The following XPO4 variants were observed in gnomAD, a reference collection of about 807,000 sequenced individuals.
XPO4 encodes exportin 4, also known as exportin-4.
XPO4 carries 39 observed loss-of-function variants against 143.0 expected under a neutral mutation model. The observed-to-expected ratio is 0.27, with a 90% CI of 0.21 to 0.36. The LOEUF is 0.36. Among genes scored for constraint, XPO4 ranks in the 10% least tolerant of loss-of-function variants. XPO4 has a pLI of 1.00. For missense variants in XPO4, 907 were observed against 1,348.0 expected, an observed-to-expected ratio of 0.67 and a Z score of 5.12; for synonymous variants, 439 against 474.0, an observed-to-expected ratio of 0.93 and a Z score of 0.96.
At chr13:20,794,020 G>A (rs1280208841) in intron 18 of XPO4, among the ~76,000 whole-genome samples, 1 of 152,074 alleles carries the variant, frequency 6.6e-6, no homozygotes, top group East Asian at 1.9e-4. Context: ...CTAAAAACTG[G>A]CCACAGCTCC....
intron 2 of XPO4, chr13:20,866,387 G>T (rs2060245774): frequency 1.0e-6 from 1 of 984,500 alleles, no homozygotes. Context: ...CCAGAAAAGG[G>T]AAGCATCAAA....
chr13:20,794,985 G>A (rs1279826967), intron 18 of XPO4, among the ~76,000 whole-genome samples: 1 of 144,068 alleles, frequency 6.9e-6, no homozygotes, highest in Non-Finnish European at 1.5e-5. Context: ...GCAGATATTG[G>A]AAAAACCGTT....
intron 3 of XPO4, among the ~76,000 whole-genome samples, chr13:20,857,595 C>T (rs2060156550): frequency 6.6e-6 from 1 of 151,046 alleles, no homozygotes; most frequent in Non-Finnish European, 1.5e-5. Flanking sequence ...GGCGTGGTGG[C>T]AGGCACCTGT....
intron 18 of XPO4, 47 bp downstream of exon 18, chr13:20,796,029 A>G (rs764725771): frequency 6.6e-7 from 1 of 1,518,462 alleles, no homozygotes; most frequent in Non-Finnish European, 8.9e-7. Flanking sequence ...GATTTAATAA[A>G]AAGGAGGATA....
intron 1 of XPO4, among the ~76,000 whole-genome samples, chr13:20,891,964 C>CAGGAT (rs2060521786): frequency 1.3e-5 from 2 of 151,760 alleles, no homozygotes; most frequent in Non-Finnish European, 2.9e-5. Context: ...GAGCTACAGA[C>CAGGAT]AGGATGTTTC....
chr13:20,824,730 CA>C (rs2059762997), intron 7 of XPO4, among the ~76,000 whole-genome samples: 1 of 151,900 alleles, frequency 6.6e-6, no homozygotes, highest in South Asian at 2.1e-4. Context: ...GGAAAAGGGA[CA>C]GAGGGATAAG....
At chr13:20,821,607 C>G in intron 9 of XPO4, 97 bp downstream of exon 9, 1 of 1,318,796 alleles carries the variant, frequency 7.6e-7, no homozygotes, top group South Asian at 1.7e-5. Flanking sequence ...ATAGCCAGCA[C>G]TCACTTAAAA....
At chr13:20,815,923 G>A (rs1236765967) in intron 9 of XPO4, among the ~76,000 whole-genome samples, 3 of 151,878 alleles carry the variant, frequency 2.0e-5, no homozygotes, top group African/African-American at 7.3e-5. Context: ...GCAGAAATAA[G>A]TAATGTACCA....
intron 6 of XPO4, among the ~76,000 whole-genome samples, chr13:20,839,627 A>G (rs527459565): frequency 6.6e-6 from 1 of 152,234 alleles, no homozygotes; most frequent in South Asian, 2.1e-4. Flanking sequence ...ACTTGAAGCC[A>G]GGAGTTCGAG....
At chr13:20,794,552 A>G (rs1199193952) in intron 18 of XPO4, among the ~76,000 whole-genome samples, 1 of 152,134 alleles carries the variant, frequency 6.6e-6, no homozygotes, top group Non-Finnish European at 1.5e-5. Flanking sequence ...GAGTCCATGA[A>G]CCAACTAATA....
At chr13:20,808,955 G>T in intron 11 of XPO4, 128 bp downstream of exon 11, 1 of 1,065,162 alleles carries the variant, frequency 9.4e-7, no homozygotes, top group Non-Finnish European at 1.4e-6. Flanking sequence ...GTATGTTTCT[G>T]TCCATTTGTT....
intron 2 of XPO4, among the ~76,000 whole-genome samples, chr13:20,867,366 T>C (rs1326797394): frequency 6.6e-6 from 1 of 152,250 alleles, no homozygotes. Context: ...CCGATTACAT[T>C]TTTTAAAAGC....
At chr13:20,901,902 G>C (rs953225224) in intron 1 of XPO4, among the ~76,000 whole-genome samples, 1 of 152,190 alleles carries the variant, frequency 6.6e-6, no homozygotes, top group Admixed American at 6.5e-5. Context: ...CTAACTGAAC[G>C]TAGTTTATCC....
chr13:20,893,777 A>AAAAAG (rs2060542173), intron 1 of XPO4, among the ~76,000 whole-genome samples: 1 of 151,918 alleles, frequency 6.6e-6, no homozygotes, highest in Non-Finnish European at 1.5e-5. Context: ...AAAAAAAAAA[A>AAAAAG]AAAAGAAAGA....
intron 9 of XPO4, among the ~76,000 whole-genome samples, chr13:20,816,050 C>A (rs539695362): frequency 6.6e-6 from 1 of 152,300 alleles, no homozygotes; most frequent in South Asian, 2.1e-4. Flanking sequence ...CATAATCGTT[C>A]ATTTCATTAT....
At chr13:20,847,211 A>ACACATATCAACACATATC (rs1447421243) in intron 4 of XPO4, among the ~76,000 whole-genome samples, 4 of 152,216 alleles carry the variant, frequency 2.6e-5, no homozygotes, top group African/African-American at 9.6e-5. Flanking sequence ...TAAGAGAGCA[A>ACACATATCAACACATATC]AGTACTTCAA....
chr13:20,853,080 C>A, intron 4 of XPO4: 1 of 981,524 alleles, frequency 1.0e-6, no homozygotes, highest in Non-Finnish European at 1.2e-6. Flanking sequence ...ATCTGTAATC[C>A]CAGCATTTTG....
intron 3 of XPO4, among the ~76,000 whole-genome samples, chr13:20,857,469 T>G (rs1022954189): frequency 6.6e-6 from 1 of 152,164 alleles, no homozygotes; most frequent in Non-Finnish European, 1.5e-5. Context: ...GGCTCACGCC[T>G]GTAATCCCAG....
intron 4 of XPO4, chr13:20,853,058 G>A (rs1367257385): frequency 7.1e-6 from 7 of 984,866 alleles, no homozygotes; most frequent in South Asian, 9.4e-5. Context: ...ATGGCCAGCC[G>A]TGGTGGCTCA....
Sources: allele counts gnomAD v4.1 joint callset (sites outside exome capture counted in the v4.1 genomes callset), GRCh38; gene constraint gnomAD v4.1.1; transcripts MANE v1.5; gene names NCBI Gene and HGNC (gene_info 2026-07-23, HGNC 2026-07-21).